Variants in C1orf159 observed in about 807,000 individuals in gnomAD.
C1orf159 encodes the protein chromosome 1 open reading frame 159, also known as uncharacterized protein C1orf159.
Under a neutral mutation model 25.6 loss-of-function variants are expected in C1orf159, and 19 were observed. The ratio of observed to expected loss-of-function variants is 0.74; its 90% CI spans 0.52 to 1.09. C1orf159 has a LOEUF of 1.09. C1orf159 is among the 50% of genes least tolerant of loss of function. The pLI is 0.00. For missense variants in C1orf159, 274 were observed against 290.6 expected (o/e 0.94, Z 0.42); for synonymous variants, 139 against 124.7 (o/e 1.12, Z -0.77).
At chr1:1,109,574 C>A (rs1646230239) in intron 1 of C1orf159, among the ~76,000 whole-genome samples, 1 of 152,192 alleles carries the variant, frequency 6.6e-6, no homozygotes, top group South Asian at 2.1e-4. Context: ...TCAAGCAACT[C>A]TCCCGCCTCA....
intron 6 of C1orf159, among the ~76,000 whole-genome samples, chr1:1,086,501 G>A (rs948971412): frequency 6.6e-6 from 1 of 152,224 alleles, no homozygotes; most frequent in African/African-American, 2.4e-5. Flanking sequence ...CCTGGGGCTC[G>A]GGACAGTTGG....
chr1:1,108,120 C>A (rs1178699834), intron 1 of C1orf159, among the ~76,000 whole-genome samples: 1 of 150,952 alleles, frequency 6.6e-6, no homozygotes, highest in Admixed American at 6.6e-5. Flanking sequence ...CAGCACTGTT[C>A]ACCACAGCCA....
At position 1,089,128 on chromosome 1, in the gene C1orf159, G is replaced by T. The variant is rs1300173820; in HGVS notation, c.148+1225C>A. ...ACCTGGCTTGGGGCCGCACGCAGGG[G>T]GAAGCGTATCCAACACCGCAGGCCC... On this transcript the variant is annotated intron_variant, in intron 4 of 9. Coordinates refer to ENST00000421241, the MANE Select transcript of C1orf159 (RefSeq NM_017891.5). The surrounding 1 kb of genome is among the most constrained non-coding windows in gnomAD (Gnocchi z 7.5). Among the ~76,000 whole-genome samples, 1 of 152,288 alleles carries T rather than the reference G, an allele frequency of 6.6e-6. No homozygotes were observed. Among genetic ancestry groups the T allele is most frequent in the East Asian group, 1.9e-4 (1 of 5,184 alleles).
At chr1:1,108,281 A>G (rs1263981552) in intron 1 of C1orf159, among the ~76,000 whole-genome samples, 1 of 135,920 alleles carries the variant, frequency 7.4e-6, no homozygotes, top group Non-Finnish European at 1.6e-5. Context: ...ACCGTCCACC[A>G]CAGCCACCAT....
intron 7 of C1orf159, among the ~76,000 whole-genome samples, chr1:1,084,897 G>A (rs528717163): frequency 1.3e-5 from 2 of 152,270 alleles, no homozygotes; most frequent in South Asian, 4.1e-4. Context: ...CAGGCACGAG[G>A]TGGCTTTGAG....
intron 1 of C1orf159, among the ~76,000 whole-genome samples, chr1:1,098,455 G>C (rs1646039309): frequency 2.0e-5 from 3 of 152,152 alleles, no homozygotes; most frequent in African/African-American, 4.8e-5. Context: ...CCAAACATTT[G>C]AGTTTTTCCT....
chr1:1,111,094 C>T (rs1240282420), intron 1 of C1orf159, among the ~76,000 whole-genome samples: 3 of 152,224 alleles, frequency 2.0e-5, no homozygotes, highest in Admixed American at 6.5e-5. Flanking sequence ...TAACTAAACA[C>T]ATGCATTTTC....
chr1:1,083,986 C>G, intron 9 of C1orf159: 1 of 1,604,480 alleles, frequency 6.2e-7, no homozygotes, highest in Non-Finnish European at 8.5e-7. Flanking sequence ...CTGGCGGAGG[C>G]CGGCTGCGTC....
chr1:1,090,721 C>T (rs1443406959), intron 3 of C1orf159: 14 of 773,190 alleles, frequency 1.8e-5, no homozygotes, highest in South Asian at 3.1e-5. Flanking sequence ...CATGGCAGCG[C>T]CACCGACATT....
In C1orf159 at chr1:1,110,140, C is replaced by G. The variant is rs776146307; in HGVS notation, c.-136+5920G>C. Among the ~76,000 whole-genome samples the G allele has an allele frequency of 6.6e-6, 1 of 152,158 alleles. No homozygotes were observed. The highest frequency in any genetic ancestry group is 2.4e-5 in the African/African-American group (1 of 41,414). On this transcript the variant is annotated intron_variant, in intron 1 of 9. Transcript: ENST00000421241. This position sits in a 1 kb window ranked among gnomAD's most constrained non-coding sequence, Gnocchi z 4.8. ...TGATTATAACTCGGCGTCTTATTGCCGCAGAGTCTGTCAGTCTCGTGATCT... is the reference window on the plus strand; with the variant it reads ...TGATTATAACTCGGCGTCTTATTGCGGCAGAGTCTGTCAGTCTCGTGATCT...
At chr1:1,107,839 T>C (rs1373580948) in intron 1 of C1orf159, among the ~76,000 whole-genome samples, 1 of 150,016 alleles carries the variant, frequency 6.7e-6, no homozygotes, top group Admixed American at 6.6e-5. Flanking sequence ...TTATGAGCTG[T>C]AACACTCACT....
At chr1:1,091,955 A>C (rs753490258) in intron 2 of C1orf159, 36 bp downstream of exon 2, 11 of 454,138 alleles carry the variant, frequency 2.4e-5, no homozygotes, top group Admixed American at 2.4e-5. Flanking sequence ...GGGCCTTTGG[A>C]GGCACGGGTG....
At position 1,083,198 on chromosome 1, in the gene C1orf159, G is replaced by A. The variant is rs552153554; in HGVS notation, c.503-211C>T. On this transcript the variant is annotated intron_variant, in intron 9 of 9. Coordinates refer to ENST00000421241, the MANE Select transcript of C1orf159 (RefSeq NM_017891.5). ...GGAAAGGGACGGCTTCCTCCTGCCCGGCTGTGTCCTCTCATTTACACCCTG... is the reference window on the plus strand; with the variant it reads ...GGAAAGGGACGGCTTCCTCCTGCCCAGCTGTGTCCTCTCATTTACACCCTG... 9.3e-4 allele frequency: 501 copies of A among 541,506 alleles called. 7 individuals carry two copies. The East Asian group carries it at 0.014, about 15-fold the overall frequency. 33.5% of individuals were successfully genotyped at this position (541,506 alleles called of 1,614,324 possible).
rs989245211 is a variant in C1orf159, at chr1:1,110,353, A to G, written c.-136+5707T>C. ...CTTAGGATTTTATTCTTAGTTTACAACATCAGTAATAAAATTAATAGGCAA... is the reference window on the plus strand; with the variant it reads ...CTTAGGATTTTATTCTTAGTTTACAGCATCAGTAATAAAATTAATAGGCAA... On this transcript the variant is annotated intron_variant, in intron 1 of 9. Coordinates refer to ENST00000421241, the MANE Select transcript of C1orf159 (RefSeq NM_017891.5). The surrounding 1 kb of genome is among the most constrained non-coding windows in gnomAD (Gnocchi z 4.8). 6.6e-6 allele frequency among the ~76,000 whole-genome samples: 1 copy of G among 152,212 alleles called. No individual in the cohort carries two copies. The highest frequency in any genetic ancestry group is 2.4e-5 in the African/African-American group (1 of 41,440).
chr1:1,085,905 G>T lies in C1orf159; in HGVS notation c.418C>A (p.Pro140Thr), dbSNP rs201215611. 6.8e-6 allele frequency: 11 copies of T among 1,613,322 alleles called. No individual in the cohort carries two copies. In the Admixed American group the frequency reaches 1.3e-4, roughly 20 times the overall value. The part of the protein sequence containing the change: ...FFYLKRSSKL[P>T]RACYRRNKAP... ...TTGTTTCTTCTGTAGCAGGCCCTGG[G>T]GAGTTTACTGGAGCGCTTGAGGTAG... Residue 140 changes from proline (P) to threonine (T), a missense_variant, in exon 7 of 10, where the codon CCC becomes ACC. Transcript: ENST00000421241.
chr1:1,094,696 G>T (rs143377433), intron 1 of C1orf159, among the ~76,000 whole-genome samples: 5 of 152,256 alleles, frequency 3.3e-5, no homozygotes, highest in African/African-American at 1.2e-4. Flanking sequence ...CACCTTGCCC[G>T]GCCCCCGTCT....
chr1:1,091,523 G>A lies in C1orf159; in HGVS notation c.21C>T (p.Ala7=). Residue 7 remains alanine (A), a synonymous_variant, in exon 3 of 10, where the codon GCC becomes GCT. Transcript: ENST00000421241. ...CTCCCACGAGAAGGCCAGCCAGGAGGGCGAGGTGCCGCAGCGCCATGCCAG... is the reference window on the plus strand; with the variant it reads ...CTCCCACGAGAAGGCCAGCCAGGAGAGCGAGGTGCCGCAGCGCCATGCCAG... MALRHL[A]LLAGLLVGVA... 6.5e-7 allele frequency: 1 copy of A among 1,550,052 alleles called. No homozygotes were observed.
In C1orf159 at chr1:1,082,265, CAG is replaced by C. The variant is rs1645754468; in HGVS notation, c.*626_*627del. On this transcript the variant is annotated 3_prime_UTR_variant, in exon 10 of 10. Transcript: ENST00000421241. ...TGCACAATGAATTTCTGCTTAAAAA[CAG>C]AGATCAAGAGGAAGCTCTATCCTGC... is the stretch of plus-strand genomic sequence containing the variant. 1 of 153,824 alleles carries C rather than the reference CAG, an allele frequency of 6.5e-6. No homozygotes were observed. The highest frequency in any genetic ancestry group is 2.4e-5 in the African/African-American group (1 of 41,472). 9.5% of individuals were successfully genotyped at this position (153,824 alleles called of 1,614,324 possible).
chr1:1,109,842 C>A (rs1646233642), intron 1 of C1orf159, among the ~76,000 whole-genome samples: 1 of 152,174 alleles, frequency 6.6e-6, no homozygotes, highest in African/African-American at 2.4e-5. Flanking sequence ...TGAGGCGCGG[C>A]CCGGGAGTCA....
Sources: allele counts gnomAD v4.1 joint callset (sites outside exome capture counted in the v4.1 genomes callset), GRCh38; gene constraint gnomAD v4.1.1; non-coding constraint Gnocchi (gnomAD v3.1); transcripts MANE v1.5; gene names NCBI Gene and HGNC (gene_info 2026-07-23, HGNC 2026-07-21).